VWA8: variants seen among roughly 807,000 people sequenced by gnomAD.
The protein encoded by VWA8 is von Willebrand factor A domain-containing protein 8.
A neutral mutation model predicts 241.5 loss-of-function variants in VWA8; 221 were observed. The observed-to-expected ratio is 0.91, with a 90% CI of 0.82 to 1.02. The LOEUF (loss-of-function observed/expected upper bound fraction) is 1.02. Ranked by LOEUF, VWA8 falls within the 50% of genes least tolerant of loss-of-function variation. The pLI, the probability that VWA8 is intolerant of heterozygous loss-of-function variation, is 0.00. For synonymous variants in VWA8, 852 were observed against 827.1 expected, an observed-to-expected ratio of 1.03 and a Z score of -0.52; for missense variants, 2,322 against 2,328.7, an observed-to-expected ratio of 1.00 and a Z score of 0.06.
At chr13:41,582,627 A>AT (rs886652689) in intron 42 of VWA8, among the ~76,000 whole-genome samples, 4 of 151,540 alleles carry the variant, frequency 2.6e-5, no homozygotes, top group Non-Finnish European at 4.4e-5. Context: ...TTCATGCATA[A>AT]TTTTTTTTTC....
rs1375487769 is a variant in VWA8 at position 41,954,494 on chromosome 13, T to TA, written c.164-4482dup. 2.2e-4 allele frequency among the ~76,000 whole-genome samples: 33 copies of TA among 152,336 alleles called. No individual in the cohort carries two copies. In the East Asian group the frequency reaches 5.4e-3, roughly 25 times the overall value. On this transcript the variant is annotated intron_variant, in intron 1 of 44. Transcript: ENST00000379310. The stretch of plus-strand genomic sequence containing the variant: ...TCACACCACTTGCCCTCTACACAAC[T>TA]ACTACTGAAATATCTTCATCTCCCC...
intron 12 of VWA8, among the ~76,000 whole-genome samples, chr13:41,841,814 A>T (rs1267502967): frequency 0.031 from 760 of 24,808 alleles, 53 homozygotes; most frequent in African/African-American, 0.07. Context: ...AAAAAAAAAA[A>T]AAAAAAATAT....
intron 9 of VWA8, among the ~76,000 whole-genome samples, chr13:41,879,368 C>A (rs1452266728): frequency 7.6e-6 from 1 of 131,074 alleles, no homozygotes; most frequent in Non-Finnish European, 1.6e-5. Context: ...CTCTCTCTCT[C>A]ATACATACAC....
chr13:41,705,078 C>T (rs1032267597), intron 26 of VWA8, among the ~76,000 whole-genome samples: 4 of 152,090 alleles, frequency 2.6e-5, no homozygotes, highest in Non-Finnish European at 1.5e-5. Flanking sequence ...ATATGCTTTT[C>T]GTCCCTTTTG....
At chr13:41,863,443 A>ATATG (rs1873128303) in intron 12 of VWA8, among the ~76,000 whole-genome samples, 2 of 110,846 alleles carry the variant, frequency 1.8e-5, no homozygotes, top group Admixed American at 1.9e-4. Flanking sequence ...GTATATATAT[A>ATATG]TATATATATA....
intron 39 of VWA8, among the ~76,000 whole-genome samples, chr13:41,610,513 C>T (rs1165413605): frequency 6.6e-6 from 1 of 152,144 alleles, no homozygotes; most frequent in Non-Finnish European, 1.5e-5. Context: ...AGGGTCTGAG[C>T]TGGCAGGCTT....
chr13:41,919,382 C>G (rs1396199353), intron 2 of VWA8, among the ~76,000 whole-genome samples: 1 of 152,142 alleles, frequency 6.6e-6, no homozygotes, highest in African/African-American at 2.4e-5. Context: ...AGGGAGCTCC[C>G]CAGAGTACAC....
intron 2 of VWA8, among the ~76,000 whole-genome samples, chr13:41,918,893 AAAATT>A (rs1876382938): frequency 6.6e-6 from 1 of 152,228 alleles, no homozygotes; most frequent in Non-Finnish European, 1.5e-5. Flanking sequence ...TTCTCCGACC[AAAATT>A]AAATTAAATT....
intron 2 of VWA8, among the ~76,000 whole-genome samples, chr13:41,912,566 T>C (rs1182898778): frequency 2.6e-5 from 4 of 152,184 alleles, no homozygotes; most frequent in Non-Finnish European, 4.4e-5. Context: ...CACAATTTTA[T>C]AGTCCAATCT....
chr13:41,934,440 G>A (rs1877260804), intron 2 of VWA8, among the ~76,000 whole-genome samples: 1 of 151,976 alleles, frequency 6.6e-6, no homozygotes. Flanking sequence ...TCTACCGCAT[G>A]ATGCAGGTAT....
At chr13:41,832,003 T>C (rs1326456054) in intron 13 of VWA8, among the ~76,000 whole-genome samples, 1 of 151,218 alleles carries the variant, frequency 6.6e-6, no homozygotes, top group Non-Finnish European at 1.5e-5. Flanking sequence ...CCATCTCGGC[T>C]CACTGCAACC....
chr13:41,683,295 AT>A (rs755820723), intron 35 of VWA8, among the ~76,000 whole-genome samples: 58 of 152,180 alleles, frequency 3.8e-4, no homozygotes, highest in Non-Finnish European at 6.6e-4. Context: ...AACATAAAAA[AT>A]AAATAAATAA....
At chr13:41,714,325 T>C (rs2045335691) in intron 26 of VWA8, among the ~76,000 whole-genome samples, 1 of 151,958 alleles carries the variant, frequency 6.6e-6, no homozygotes, top group African/African-American at 2.4e-5. Flanking sequence ...AAGTAAGTAG[T>C]TTAACATCAA....
At chr13:41,672,275 TA>T (rs2045031197) in intron 36 of VWA8, among the ~76,000 whole-genome samples, 1 of 152,246 alleles carries the variant, frequency 6.6e-6, no homozygotes, top group Non-Finnish European at 1.5e-5. Context: ...TATTTCATTA[TA>T]TATTTCTGAC....
At chr13:41,606,917 T>C (rs1187723227) in intron 39 of VWA8, among the ~76,000 whole-genome samples, 1 of 152,164 alleles carries the variant, frequency 6.6e-6, no homozygotes, top group Non-Finnish European at 1.5e-5. Flanking sequence ...ATGTGCCCTA[T>C]ACAGACATCT....
At chr13:41,958,525 A>C (rs1343487660) in intron 1 of VWA8, among the ~76,000 whole-genome samples, 1 of 152,240 alleles carries the variant, frequency 6.6e-6, no homozygotes, top group Admixed American at 6.5e-5. Flanking sequence ...TCATCCCAAC[A>C]TAAGATGTAA....
intron 17 of VWA8, among the ~76,000 whole-genome samples, chr13:41,804,235 A>G (rs1035216378): frequency 7.2e-5 from 11 of 152,176 alleles, no homozygotes; most frequent in Admixed American, 1.3e-4. Flanking sequence ...GACAACCTCA[A>G]GATATCTGAG....
intron 20 of VWA8, among the ~76,000 whole-genome samples, chr13:41,770,924 C>G (rs1027944239): frequency 1.6e-5 from 2 of 122,708 alleles, no homozygotes; most frequent in South Asian, 2.6e-4. Context: ...AAAAAAAAAG[C>G]TGACAAACCC....
intron 22 of VWA8, among the ~76,000 whole-genome samples, chr13:41,731,315 A>G (rs1032449710): frequency 1.3e-5 from 2 of 152,136 alleles, no homozygotes; most frequent in African/African-American, 4.8e-5. Context: ...TTGTGTAGGA[A>G]GTTGAGGACT....
Sources: allele counts gnomAD v4.1 joint callset (sites outside exome capture counted in the v4.1 genomes callset), GRCh38; gene constraint gnomAD v4.1.1; transcripts MANE v1.5; gene names NCBI Gene and HGNC (gene_info 2026-07-23, HGNC 2026-07-21).